MMP15: variants seen among roughly 807,000 people sequenced by gnomAD.
The protein encoded by MMP15 is matrix metallopeptidase 15.
A neutral mutation model predicts 65.0 loss-of-function variants in MMP15; 36 were observed. The observed-to-expected ratio is 0.55, with a 90% CI of 0.42 to 0.73. MMP15 has a LOEUF of 0.73. Ranked by LOEUF, MMP15 falls within the 30% of genes least tolerant of loss-of-function variation. MMP15 has a pLI of 0.00. For missense variants in MMP15, 870 were observed against 987.8 expected (o/e 0.88, Z 1.60); for synonymous variants, 428 against 410.2 (o/e 1.04, Z -0.52).
Position 58,025,789 on chromosome 16 carries a change from T to G in MMP15, c.-562T>G, listed in dbSNP as rs1263818601. On this transcript the variant is annotated 5_prime_UTR_variant, in exon 1 of 10. Transcript: ENST00000219271. Reference sequence around the variant, plus strand: ...GGGAGCGCCCGGAGCCGCGCTGAACTCGCCGGGGACGTCGGGCGCCCGCTC... The same window carrying G: ...GGGAGCGCCCGGAGCCGCGCTGAACGCGCCGGGGACGTCGGGCGCCCGCTC... 2.0e-5 allele frequency: 3 copies of G among 151,480 alleles called. No individual in the cohort carries two copies. The highest frequency in any genetic ancestry group is 4.9e-5 in the African/African-American group (2 of 41,178). The allele number at this position is 151,480 out of a possible 1,614,324, so 9.4% of individuals were successfully genotyped here.
intron 1 of MMP15, among the ~76,000 whole-genome samples, chr16:58,029,596 T>G (rs1963868827): frequency 2.0e-5 from 3 of 152,246 alleles, no homozygotes. Context: ...CCTTGCCATG[T>G]TTCCGAGTTG....
In MMP15 at chr16:58,038,392, T is replaced by C; in HGVS notation, c.438T>C (p.Phe146=). ...AGTGGAACAACCACCATCTGACCTT[T>C]AGGTAGGGGGCTCAGCTGCCCAGGG... The part of the protein sequence containing the change: ...GRKWNNHHLT[F]SIQNYTEKLG... Residue 146 remains phenylalanine, a splice_region_variant and synonymous_variant, in exon 3 of 10, where the codon TTT becomes TTC. Coordinates refer to ENST00000219271, the MANE Select transcript of MMP15 (RefSeq NM_002428.4). 1.9e-6 allele frequency: 3 copies of C among 1,613,928 alleles called. No homozygotes were observed. Among genetic ancestry groups the C allele is most frequent in the Non-Finnish European group, 2.5e-6 (3 of 1,179,940 alleles).
chr16:58,041,017 C>T (rs1959440562), intron 5 of MMP15: 1 of 463,008 alleles, frequency 2.2e-6, no homozygotes, highest in South Asian at 2.1e-5. Context: ...TGGGGGATCC[C>T]AGGACCCGCC....
chr16:58,039,752 C>A, intron 3 of MMP15, 123 bp from the exon 4 acceptor site: 1 of 921,512 alleles, frequency 1.1e-6, no homozygotes, highest in Non-Finnish European at 1.6e-6. Context: ...TACATCAAAG[C>A]AAACTGCCAG....
rs907055190 is a variant in MMP15, at chr16:58,025,781, C to T, written c.-570C>T. 1 of 151,912 alleles carries T rather than the reference C, an allele frequency of 6.6e-6. No homozygotes were observed. The highest frequency in any genetic ancestry group is 1.5e-5 in the Non-Finnish European group (1 of 67,956). The allele number at this position is 151,912 out of a possible 1,614,324, so 9.4% of individuals were successfully genotyped here. ...GGAGGGCTGGGAGCGCCCGGAGCCG[C>T]GCTGAACTCGCCGGGGACGTCGGGC... On this transcript the variant is annotated 5_prime_UTR_variant, in exon 1 of 10. Transcript: ENST00000219271.
At chr16:58,033,966 C>G (rs1009794927) in intron 1 of MMP15, among the ~76,000 whole-genome samples, 2 of 152,240 alleles carry the variant, frequency 1.3e-5, no homozygotes, top group Non-Finnish European at 2.9e-5. Context: ...CAGCCCACAC[C>G]CGAAGCTGCA....
At chr16:58,027,022 C>T (rs1007323262) in intron 1 of MMP15, among the ~76,000 whole-genome samples, 16 of 152,260 alleles carry the variant, frequency 1.1e-4, no homozygotes, top group Non-Finnish European at 5.9e-5. Flanking sequence ...GAGCCGCGCA[C>T]GGCGGGCCAG....
At chr16:58,038,131 C>T in intron 2 of MMP15, 135 bp from the exon 3 acceptor site, 1 of 1,209,054 alleles carries the variant, frequency 8.3e-7, no homozygotes, top group East Asian at 2.4e-5. Context: ...GAAGTTGAAG[C>T]TGAGAGTCCC....
At position 58,040,076 on chromosome 16, in the gene MMP15, C is replaced by A; in HGVS notation, c.642C>A (p.Gly214=). The change falls in exon 4 of 10, where the codon GGC becomes GGA. Residue 214 remains glycine (G), a synonymous_variant. Coordinates refer to ENST00000219271, the MANE Select transcript of MMP15 (RefSeq NM_002428.4). ...GFHGDSSPFD[G]TGGFLAHAYF... is the part of the protein sequence containing the mutation. Reference sequence around the variant, plus strand: ...ACGGCGACAGCTCGCCGTTTGATGGCACCGGTGGCTTTCTGGCCCACGCCT... The same window carrying A: ...ACGGCGACAGCTCGCCGTTTGATGGAACCGGTGGCTTTCTGGCCCACGCCT... The A allele has an allele frequency of 6.2e-7, 1 of 1,614,128 alleles. No homozygotes were observed. The highest frequency in any genetic ancestry group is 1.1e-5 in the South Asian group (1 of 91,088).
intron 1 of MMP15, 35 bp downstream of exon 1, chr16:58,026,547 G>C: frequency 2.3e-6 from 3 of 1,298,116 alleles, no homozygotes; most frequent in Non-Finnish European, 2.9e-6. Flanking sequence ...GCTGCGGGCT[G>C]GGGGCTTGGA....
chr16:58,044,265 G>A (rs1343740094), intron 9 of MMP15, among the ~76,000 whole-genome samples: 1 of 152,176 alleles, frequency 6.6e-6, no homozygotes, highest in Non-Finnish European at 1.5e-5. Context: ...GAATAACATA[G>A]TGAGACTCTA....
chr16:58,028,290 T>G (rs551862206), intron 1 of MMP15, among the ~76,000 whole-genome samples: 4 of 152,318 alleles, frequency 2.6e-5, no homozygotes, highest in African/African-American at 9.6e-5. Flanking sequence ...GCTCCTGATC[T>G]GGAGGTTGTG....
chr16:58,027,105 C>G (rs1308141078), intron 1 of MMP15, among the ~76,000 whole-genome samples: 2 of 152,250 alleles, frequency 1.3e-5, no homozygotes, highest in Non-Finnish European at 2.9e-5. Context: ...TGGCGACTTT[C>G]TGCGCTTTTG....
intron 2 of MMP15, among the ~76,000 whole-genome samples, 168 bp downstream of exon 2, chr16:58,037,788 C>T (rs894160692): frequency 6.6e-6 from 1 of 152,096 alleles, no homozygotes; most frequent in African/African-American, 2.4e-5. Flanking sequence ...CTGCCCAAAG[C>T]CTTGTATTGA....
intron 7 of MMP15, 145 bp from the exon 8 acceptor site, chr16:58,043,065 G>A: frequency 1.3e-6 from 1 of 760,192 alleles, no homozygotes; most frequent in Non-Finnish European, 2.0e-6. Flanking sequence ...TGCAGCATGT[G>A]ATGTGCGGGT....
chr16:58,041,084 G>T (rs2142330125), intron 5 of MMP15, among the ~76,000 whole-genome samples: 1 of 152,304 alleles, frequency 6.6e-6, no homozygotes, highest in Non-Finnish European at 1.5e-5. Context: ...CAGTGCTGCT[G>T]GTTTGTCACT....
intron 1 of MMP15, among the ~76,000 whole-genome samples, chr16:58,031,257 G>A (rs954936546): frequency 6.6e-6 from 1 of 152,218 alleles, no homozygotes; most frequent in Non-Finnish European, 1.5e-5. Context: ...GAAGGCTACA[G>A]GTCAGAGCCT....
rs41345944 is a variant in MMP15, at chr16:58,034,144, G to A, written c.163-3328G>A. Reference sequence around the variant, plus strand: ...TGAGAAGCAAAGCTTCACCCGCTTGGCTCACCCCACCTGTGACTCTAGGTG... The same window carrying A: ...TGAGAAGCAAAGCTTCACCCGCTTGACTCACCCCACCTGTGACTCTAGGTG... On this transcript the variant is annotated intron_variant, in intron 1 of 9. Transcript: ENST00000219271. Among the ~76,000 whole-genome samples the A allele has an allele frequency of 3.1e-3, 470 of 152,358 alleles. 2 individuals carry two copies. Among genetic ancestry groups the A allele is most frequent in the African/African-American group, 0.011 (450 of 41,584 alleles).
Position 58,038,360 on chromosome 16 carries a change from G to T in MMP15, c.406G>T (p.Gly136Trp). 6.2e-7 allele frequency: 1 copy of T among 1,614,042 alleles called. No homozygotes were observed. Among genetic ancestry groups the T allele is most frequent in the Non-Finnish European group, 8.5e-7 (1 of 1,179,998 alleles). The change falls in exon 3 of 10, where the codon GGG (glycine) becomes TGG (tryptophan). Residue 136 changes from glycine to tryptophan, a missense_variant. Gly to Trp is a radical substitution (Grantham distance 184, BLOSUM62 -2). Transcript: ENST00000219271. ...RRRRKRYALT[G>W]RKWNNHHLTF... ...GCGTCGGAAGCGCTACGCCCTCACC[G>T]GGAGGAAGTGGAACAACCACCATCT...
Sources: gnomAD v4.1 joint callset for allele counts (sites outside exome capture counted in the v4.1 genomes callset) on GRCh38, gnomAD v4.1.1 for gene constraint, MANE v1.5 for transcripts, NCBI Gene and HGNC (gene_info 2026-07-23, HGNC 2026-07-21) for gene names.